The following BLVRA variants were observed in gnomAD, a reference collection of about 807,000 sequenced individuals.
BLVRA encodes biliverdin reductase A.
In BLVRA, 22 loss-of-function variants were observed where a neutral mutation model predicts 32.8. That is an observed-to-expected ratio of 0.67 (90% CI 0.48 to 0.96). The LOEUF (loss-of-function observed/expected upper bound fraction) is 0.96, where lower values mean the gene tolerates loss of function less well. BLVRA is among the 40% of genes least tolerant of loss of function. The pLI, the probability that BLVRA is intolerant of heterozygous loss-of-function variation, is 0.00. For missense variants in BLVRA, 323 were observed against 358.1 expected (o/e 0.90, Z 0.79); for synonymous variants, 119 against 141.3 (o/e 0.84, Z 1.12).
chr7:43,774,016 T>G (rs1362667108), intron 2 of BLVRA, among the ~76,000 whole-genome samples: 4 of 152,326 alleles, frequency 2.6e-5, no homozygotes, highest in African/African-American at 9.6e-5. Context: ...TTTGTTTGAG[T>G]TCATTGTAGA....
chr7:43,768,334 A>G (rs952553041), intron 1 of BLVRA, among the ~76,000 whole-genome samples: 1 of 152,158 alleles, frequency 6.6e-6, no homozygotes, highest in African/African-American at 2.4e-5. Context: ...AGGACTGGAC[A>G]CCAGGTCTCC....
chr7:43,767,328 GC>G, intron 1 of BLVRA: 1 of 1,531,860 alleles, frequency 6.5e-7, no homozygotes, highest in Non-Finnish European at 9.0e-7. Flanking sequence ...ACGCACTGCA[GC>G]CTCCTAAGTT....
chr7:43,790,707 C>CT (rs1653655894), intron 3 of BLVRA, among the ~76,000 whole-genome samples: 1 of 152,168 alleles, frequency 6.6e-6, no homozygotes, highest in African/African-American at 2.4e-5. Context: ...GAGTCTTGCT[C>CT]TGTCACCCAG....
Position 43,806,827 on chromosome 7 carries a change from ACAGTCACCCACAGCCTCTGGGAGG to A in BLVRA, c.633-148_633-125del, listed in dbSNP as rs2095804484. On this transcript the variant is annotated intron_variant, in intron 7 of 7. Coordinates refer to ENST00000265523, the MANE Select transcript of BLVRA (RefSeq NM_000712.4). Reference sequence around the variant, plus strand: ...AAGACTGTTTGGCTGTGAGGTTGACACAGTCACCCACAGCCTCTGGGAGGCTGGTGGCTGCAAGGAGGATGGGTG... The same window carrying A: ...AAGACTGTTTGGCTGTGAGGTTGACACTGGTGGCTGCAAGGAGGATGGGTG... 4 of 804,468 alleles carry A rather than the reference ACAGTCACCCACAGCCTCTGGGAGG, an allele frequency of 5.0e-6. No homozygotes were observed. In the East Asian group the frequency reaches 1.0e-4, roughly 20 times the overall value. 49.8% of individuals were successfully genotyped at this position (804,468 alleles called of 1,614,324 possible).
chr7:43,786,924 A>T (rs1379028038), intron 2 of BLVRA, among the ~76,000 whole-genome samples: 1 of 147,558 alleles, frequency 6.8e-6, no homozygotes, highest in Non-Finnish European at 1.5e-5. Flanking sequence ...ATGCATGGAG[A>T]TAATTTTTTT....
chr7:43,771,904 G>A (rs1329342533), intron 2 of BLVRA, among the ~76,000 whole-genome samples: 1 of 152,196 alleles, frequency 6.6e-6, no homozygotes, highest in African/African-American at 2.4e-5. Context: ...CCTAAGCTCT[G>A]TCCTCCTCGA....
intron 3 of BLVRA, among the ~76,000 whole-genome samples, chr7:43,788,927 G>T (rs1484216953): frequency 1.3e-5 from 2 of 151,504 alleles, no homozygotes; most frequent in Non-Finnish European, 2.9e-5. Context: ...GCGTGAGCCA[G>T]TGCACCCAGC....
chr7:43,800,881 C>T (rs1222084577), intron 6 of BLVRA, among the ~76,000 whole-genome samples: 1 of 152,178 alleles, frequency 6.6e-6, no homozygotes, highest in Non-Finnish European at 1.5e-5. Flanking sequence ...CATTTTTATA[C>T]TTCCTTGCAA....
chr7:43,768,861 A>G (rs2095751212), intron 1 of BLVRA, among the ~76,000 whole-genome samples: 2 of 151,532 alleles, frequency 1.3e-5, no homozygotes, highest in South Asian at 4.2e-4. Flanking sequence ...CCTCCTACTT[A>G]GAGTGCTGGC....
intron 1 of BLVRA, among the ~76,000 whole-genome samples, chr7:43,765,786 A>T (rs967698659): frequency 1.3e-4 from 20 of 152,332 alleles, no homozygotes; most frequent in Admixed American, 1.1e-3. Flanking sequence ...AACCATGGGA[A>T]TAGAGGTCTG....
At chr7:43,794,000 T>G (rs1022960137) in intron 5 of BLVRA, among the ~76,000 whole-genome samples, 3 of 150,914 alleles carry the variant, frequency 2.0e-5, no homozygotes, top group Admixed American at 2.0e-4. Flanking sequence ...CCCAGCACTT[T>G]AGGAGGCTCT....
chr7:43,791,746 C>T, intron 4 of BLVRA: 1 of 229,020 alleles, frequency 4.4e-6, no homozygotes, highest in South Asian at 5.4e-5. Flanking sequence ...ACTCCCTTCT[C>T]AGTTTGGATC....
Position 43,807,063 on chromosome 7 carries a change from A to C in BLVRA, c.719A>C (p.Asn240Thr). The C allele has an allele frequency of 6.2e-7, 1 of 1,614,232 alleles. No individual in the cohort carries two copies. Reference protein sequence around the residue: ...SFHFKSGSLENVPNVGVNKNI... With the variant: ...SFHFKSGSLETVPNVGVNKNI... The stretch of plus-strand genomic sequence containing the variant: ...CATTTCAAGTCTGGGTCCTTGGAGA[A>C]TGTGCCAAATGTAGGAGTGAATAAG... Residue 240 changes from asparagine to threonine, a missense_variant, in exon 8 of 8, where the codon AAT (asparagine) becomes ACT (threonine). Coordinates refer to ENST00000265523, the MANE Select transcript of BLVRA (RefSeq NM_000712.4).
At chr7:43,778,568 A>C (rs1740513825) in intron 2 of BLVRA, among the ~76,000 whole-genome samples, 1 of 152,130 alleles carries the variant, frequency 6.6e-6, no homozygotes, top group African/African-American at 2.4e-5. Context: ...GTCTGCCCCT[A>C]CTTGGGGGTG....
chr7:43,770,597 T>G (rs1322188597), intron 1 of BLVRA, among the ~76,000 whole-genome samples: 1 of 152,150 alleles, frequency 6.6e-6, no homozygotes, highest in Non-Finnish European at 1.5e-5. Flanking sequence ...CATCTCCTCT[T>G]GTCACCCCTC....
At chr7:43,780,881 G>A (rs912244048) in intron 2 of BLVRA, among the ~76,000 whole-genome samples, 7 of 152,300 alleles carry the variant, frequency 4.6e-5, no homozygotes, top group Middle Eastern at 3.4e-3. Context: ...GCGCCGTGGC[G>A]CATGCCTGTA....
intron 1 of BLVRA, among the ~76,000 whole-genome samples, chr7:43,762,548 G>A (rs2095743462): frequency 6.7e-6 from 1 of 148,606 alleles, no homozygotes; most frequent in Admixed American, 6.7e-5. Flanking sequence ...AAATTGGAAT[G>A]TGAAACTCTA....
intron 3 of BLVRA, 33 bp downstream of exon 3, chr7:43,788,058 A>C: frequency 6.2e-7 from 1 of 1,614,086 alleles, no homozygotes; most frequent in South Asian, 1.1e-5. Flanking sequence ...TTCATAATTC[A>C]TGGAAAGCCC....
intron 1 of BLVRA, among the ~76,000 whole-genome samples, chr7:43,759,203 GC>G (rs1440359289): frequency 6.6e-6 from 1 of 152,248 alleles, no homozygotes; most frequent in Non-Finnish European, 1.5e-5. Flanking sequence ...ATCCTGAGGC[GC>G]CACGCGAGGC....
Sources: gnomAD v4.1 joint callset for allele counts (sites outside exome capture counted in the v4.1 genomes callset) on GRCh38, gnomAD v4.1.1 for gene constraint, MANE v1.5 for transcripts, NCBI Gene and HGNC (gene_info 2026-07-23, HGNC 2026-07-21) for gene names.